Variants in DIP2C observed in about 807,000 individuals in gnomAD.
The protein encoded by DIP2C is disco-interacting protein 2 homolog C.
DIP2C carries 33 observed loss-of-function variants against 192.4 expected under a neutral mutation model. The ratio of observed to expected loss-of-function variants is 0.17; its 90% CI spans 0.13 to 0.23. The LOEUF (loss-of-function observed/expected upper bound fraction) is 0.23, where lower values mean the gene tolerates loss of function less well. Among genes scored for constraint, DIP2C ranks in the 10% least tolerant of loss-of-function variants. DIP2C has a pLI of 1.00. For missense variants in DIP2C, 1,537 were observed against 2,110.1 expected, an observed-to-expected ratio of 0.73 and a Z score of 5.32; for synonymous variants, 979 against 864.1, an observed-to-expected ratio of 1.13 and a Z score of -2.33.
At chr10:462,885 C>CCAT (rs1969908495) in intron 3 of DIP2C, among the ~76,000 whole-genome samples, 1 of 152,154 alleles carries the variant, frequency 6.6e-6, no homozygotes, top group Admixed American at 6.5e-5. Context: ...TAAATGTAAT[C>CCAT]CATCACATCA....
chr10:582,823 T>C (rs990303019), intron 1 of DIP2C, among the ~76,000 whole-genome samples: 10 of 152,178 alleles, frequency 6.6e-5, no homozygotes, highest in African/African-American at 1.9e-4. Flanking sequence ...AAAGGGGCTA[T>C]GACAAAACCT....
chr10:503,173 T>C (rs1463669094), intron 1 of DIP2C, among the ~76,000 whole-genome samples: 45 of 111,032 alleles, frequency 4.1e-4, no homozygotes, highest in African/African-American at 7.3e-4. Flanking sequence ...TCCGCCAGGA[T>C]GCCTACCTGC....
intron 4 of DIP2C, 96 bp downstream of exon 4, chr10:440,771 CTTCA>C: frequency 6.7e-7 from 1 of 1,483,484 alleles, no homozygotes; most frequent in Non-Finnish European, 8.9e-7. Context: ...TGCATTACTG[CTTCA>C]TTATTTTGAA....
chr10:279,978 G>A (rs1302229667), intron 36 of DIP2C, among the ~76,000 whole-genome samples: 1 of 152,176 alleles, frequency 6.6e-6, no homozygotes, highest in Non-Finnish European at 1.5e-5. Context: ...AAAACGGAAG[G>A]CTGTAACTGA....
intron 4 of DIP2C, among the ~76,000 whole-genome samples, chr10:423,288 C>T (rs1354027672): frequency 2.0e-5 from 3 of 152,224 alleles, no homozygotes; most frequent in Non-Finnish European, 4.4e-5. Context: ...CAAATACACA[C>T]TGACCCATTT....
intron 1 of DIP2C, among the ~76,000 whole-genome samples, chr10:535,255 T>TC (rs1189119353): frequency 4.6e-5 from 7 of 151,880 alleles, no homozygotes; most frequent in Non-Finnish European, 7.4e-5. Flanking sequence ...AGCTGAACTT[T>TC]CCTCCCTTGG....
intron 1 of DIP2C, chr10:662,192 A>G: frequency 1.4e-6 from 1 of 702,442 alleles, no homozygotes. Context: ...TTATCTATAC[A>G]CAAAGAGTAC....
At chr10:559,543 C>G (rs1421323068) in intron 1 of DIP2C, among the ~76,000 whole-genome samples, 1 of 152,194 alleles carries the variant, frequency 6.6e-6, no homozygotes. Flanking sequence ...CTGCTGACAG[C>G]ACCTCAGAGC....
chr10:391,542 GT>G (rs1963457186), intron 10 of DIP2C, among the ~76,000 whole-genome samples: 2 of 152,218 alleles, frequency 1.3e-5, no homozygotes, highest in Admixed American at 6.5e-5. Context: ...CGTCACTCCT[GT>G]CCAGCTGCCC....
intron 9 of DIP2C, among the ~76,000 whole-genome samples, chr10:405,329 A>C (rs957235136): frequency 6.6e-6 from 1 of 152,250 alleles, no homozygotes; most frequent in Non-Finnish European, 1.5e-5. Context: ...CACTAGAGTT[A>C]ATGCTGAAAA....
chr10:357,688 G>T, intron 23 of DIP2C, 140 bp downstream of exon 23: 2 of 600,312 alleles, frequency 3.3e-6, no homozygotes, highest in Non-Finnish European at 5.7e-6. Flanking sequence ...TGTCGGGGAC[G>T]GTTGCGGACA....
At chr10:336,325 C>G (rs1019677656) in intron 29 of DIP2C, among the ~76,000 whole-genome samples, 3 of 108,868 alleles carry the variant, frequency 2.8e-5, no homozygotes, top group Non-Finnish European at 5.8e-5. Flanking sequence ...TTTCTACTGC[C>G]TAGAGATGCT....
intron 25 of DIP2C, among the ~76,000 whole-genome samples, chr10:348,997 T>C (rs569261569): frequency 6.6e-6 from 1 of 152,356 alleles, no homozygotes; most frequent in Admixed American, 6.5e-5. Context: ...TACATCATTT[T>C]GCTAAGGAAT....
chr10:283,802 A>C (rs1436404892), intron 34 of DIP2C, among the ~76,000 whole-genome samples: 1 of 152,250 alleles, frequency 6.6e-6, no homozygotes, highest in East Asian at 1.9e-4. Flanking sequence ...ATTTCTAAAG[A>C]GCAAGAACAA....
At chr10:378,860 A>AAC (rs201635967) in intron 17 of DIP2C, among the ~76,000 whole-genome samples, 307 of 150,768 alleles carry the variant, frequency 2.0e-3, no homozygotes, top group East Asian at 0.014. Context: ...GACACATGTG[A>AAC]ACAGACATGC....
chr10:591,763 C>T (rs1564241087), intron 1 of DIP2C, among the ~76,000 whole-genome samples: 1 of 152,138 alleles, frequency 6.6e-6, no homozygotes, highest in Non-Finnish European at 1.5e-5. Flanking sequence ...AAGGGACCAA[C>T]ACAAAGGTAC....
rs1377282433 is a variant in DIP2C, at chr10:636,544, G to T, written c.85+52950C>A. On this transcript the variant is annotated intron_variant, in intron 1 of 36. Coordinates refer to ENST00000280886, the MANE Select transcript of DIP2C (RefSeq NM_014974.3). This position sits in a 1 kb window ranked among gnomAD's most constrained non-coding sequence, Gnocchi z 4.6. ...CCCTAAGAATAAAGGACCCTCTGCA[G>T]CCGCAGAACCATCATCGGCAGACAA... Among the ~76,000 whole-genome samples, 1 of 152,180 alleles carries T rather than the reference G, an allele frequency of 6.6e-6. No homozygotes were observed. The highest frequency in any genetic ancestry group is 3.2e-3 in the Middle Eastern group (1 of 316).
chr10:620,002 C>T (rs1312019001), intron 1 of DIP2C, among the ~76,000 whole-genome samples: 1 of 152,202 alleles, frequency 6.6e-6, no homozygotes, highest in Non-Finnish European at 1.5e-5. Context: ...ACCGGCAAGA[C>T]ACCCAATCAG....
rs765007066 is a variant in DIP2C at position 689,549 on chromosome 10, C to A, written c.30G>T (p.Ala10=). 7.8e-6 allele frequency: 10 copies of A among 1,281,058 alleles called. No individual in the cohort carries two copies. In the East Asian group the frequency reaches 3.0e-4, roughly 38 times the overall value. The allele number at this position is 1,281,058 out of a possible 1,614,324, so 79.4% of individuals were successfully genotyped here. Residue 10 remains alanine (A), a synonymous_variant, in exon 1 of 37, where the codon GCG becomes GCT. Coordinates refer to ENST00000280886, the MANE Select transcript of DIP2C (RefSeq NM_014974.3). The surrounding 1 kb of genome is among the most constrained non-coding windows in gnomAD (Gnocchi z 6.1). MADRSLEGM[A]LPLEVRARLA... is the part of the protein sequence containing the mutation. ...GGCGCGCCCGCACCTCCAGGGGCAG[C>A]GCCATGCCCTCCAGGCTGCGGTCCG...
Sources: gnomAD v4.1 joint callset for allele counts (sites outside exome capture counted in the v4.1 genomes callset) on GRCh38, gnomAD v4.1.1 for gene constraint, Gnocchi (gnomAD v3.1) non-coding constraint, MANE v1.5 for transcripts, NCBI Gene and HGNC (gene_info 2026-07-23, HGNC 2026-07-21) for gene names.